LRRTM4: variants seen among roughly 807,000 people sequenced by gnomAD.
LRRTM4 encodes the protein leucine rich repeat transmembrane neuronal 4.
A neutral mutation model predicts 47.6 loss-of-function variants in LRRTM4; 25 were observed. The observed-to-expected ratio is 0.53, with a 90% confidence interval of 0.38 to 0.73. The LOEUF is 0.73. Ranked by LOEUF, LRRTM4 falls within the 30% of genes least tolerant of loss-of-function variation. LRRTM4 has a pLI of 0.00. For missense variants in LRRTM4, 638 were observed against 713.4 expected (o/e 0.89, Z 1.20); for synonymous variants, 311 against 269.5 (o/e 1.15, Z -1.51).
intron 3 of LRRTM4, among the ~76,000 whole-genome samples, chr2:77,314,741 G>T (rs920453426): frequency 2.6e-5 from 4 of 152,128 alleles, no homozygotes; most frequent in Non-Finnish European, 4.4e-5. Context: ...ACAATGGTTT[G>T]ATTTTTCTAC....
chr2:76,933,952 G>A (rs548013338), intron 3 of LRRTM4, among the ~76,000 whole-genome samples: 1 of 152,100 alleles, frequency 6.6e-6, no homozygotes, highest in East Asian at 1.9e-4. Flanking sequence ...AAATATATTG[G>A]TAATAGTCTG....
intron 3 of LRRTM4, among the ~76,000 whole-genome samples, chr2:77,438,560 C>A (rs1675704715): frequency 6.6e-6 from 1 of 151,832 alleles, no homozygotes; most frequent in Non-Finnish European, 1.5e-5. Context: ...GCGCCTGCCA[C>A]CACTCCAGGC....
At chr2:77,200,776 A>T (rs968194580) in intron 3 of LRRTM4, among the ~76,000 whole-genome samples, 1 of 152,154 alleles carries the variant, frequency 6.6e-6, no homozygotes, top group Non-Finnish European at 1.5e-5. Context: ...GTTCCCAGAA[A>T]AACTGACATA....
In LRRTM4 at chr2:76,879,937, T is replaced by G. The variant is rs183512131; in HGVS notation, c.1552-131021A>C. 2.5e-3 allele frequency among the ~76,000 whole-genome samples: 384 copies of G among 152,320 alleles called. 1 individual carries two copies. Among genetic ancestry groups the G allele is most frequent in the African/African-American group, 7.0e-3 (289 of 41,566 alleles). On this transcript the variant is annotated intron_variant, in intron 3 of 3. Coordinates refer to ENST00000409884, the MANE Select transcript of LRRTM4 (RefSeq NM_001134745.3). ...AATGTGGTGGAAACAGCGTAAGAAC[T>G]AGAGTTAAAAGTGGAACGTGAAAAT...
intron 3 of LRRTM4, among the ~76,000 whole-genome samples, chr2:76,872,513 T>C (rs553701307): frequency 3.9e-5 from 6 of 151,980 alleles, no homozygotes; most frequent in African/African-American, 1.2e-4. Context: ...CACAAAACCA[T>C]ACATGGGTTC....
chr2:77,512,152 C>G (rs1322069415), intron 3 of LRRTM4, among the ~76,000 whole-genome samples: 1 of 152,026 alleles, frequency 6.6e-6, no homozygotes, highest in East Asian at 1.9e-4. Flanking sequence ...TCCATGGTTA[C>G]GTTTGTTTAG....
chr2:77,098,300 A>C (rs1670864382), intron 3 of LRRTM4, among the ~76,000 whole-genome samples: 1 of 152,172 alleles, frequency 6.6e-6, no homozygotes, highest in East Asian at 1.9e-4. Flanking sequence ...TATTGACATA[A>C]ATATGGACAA....
intron 3 of LRRTM4, among the ~76,000 whole-genome samples, chr2:76,978,429 A>G (rs1232775515): frequency 6.6e-6 from 1 of 152,074 alleles, no homozygotes; most frequent in Non-Finnish European, 1.5e-5. Flanking sequence ...ATGTAACATG[A>G]AAATATATTT....
chr2:76,962,000 A>C lies in LRRTM4; in HGVS notation c.1552-213084T>G, dbSNP rs140696806. On this transcript the variant is annotated intron_variant, in intron 3 of 3. Transcript: ENST00000409884. ...CTGGTTTTCTGAGGGTTTCTTCCTC[A>C]ATATAGGTCATATACCTTGGAGATA... 4.6e-5 allele frequency among the ~76,000 whole-genome samples: 7 copies of C among 151,354 alleles called. No homozygotes were observed. In the East Asian group the frequency reaches 1.4e-3, roughly 30 times the overall value.
chr2:77,498,030 C>A (rs546713130), intron 3 of LRRTM4, among the ~76,000 whole-genome samples: 2 of 151,964 alleles, frequency 1.3e-5, no homozygotes, highest in South Asian at 2.1e-4. Flanking sequence ...GATCCAAGAA[C>A]TAAACATGGC....
In LRRTM4 at chr2:76,849,463, A is replaced by T. The variant is rs539910177; in HGVS notation, c.1552-100547T>A. ...TGTATTGTGGGGGGAAAATTATATA[A>T]AATATACTCCCTCAGAACAAATTGT... is the stretch of plus-strand genomic sequence containing the variant. On this transcript the variant is annotated intron_variant, in intron 3 of 3. Transcript: ENST00000409884. 3.3e-5 allele frequency among the ~76,000 whole-genome samples: 5 copies of T among 152,106 alleles called. No homozygotes were observed. In the South Asian group the frequency reaches 1.0e-3, roughly 32 times the overall value.
chr2:76,856,194 T>A (rs1453890959), intron 3 of LRRTM4, among the ~76,000 whole-genome samples: 5 of 152,016 alleles, frequency 3.3e-5, no homozygotes, highest in Non-Finnish European at 5.9e-5. Flanking sequence ...AGAGAATCCC[T>A]TGAACCCAGG....
intron 3 of LRRTM4, among the ~76,000 whole-genome samples, chr2:76,865,375 T>A (rs1489107531): frequency 6.6e-6 from 1 of 152,220 alleles, no homozygotes; most frequent in Admixed American, 6.5e-5. Flanking sequence ...TTGATACCAA[T>A]GACACCATTG....
At chr2:77,130,824 ATTTTTTTTTTTTTT>A (rs768577274) in intron 3 of LRRTM4, among the ~76,000 whole-genome samples, 2 of 35,634 alleles carry the variant, frequency 5.6e-5, no homozygotes, top group Admixed American at 4.6e-4. Flanking sequence ...TATTTGTTCT[ATTTTTTTTTTTTTT>A]TTTTTTTTTT....
chr2:77,090,460 T>C (rs539850137), intron 3 of LRRTM4, among the ~76,000 whole-genome samples: 3 of 152,290 alleles, frequency 2.0e-5, no homozygotes, highest in Non-Finnish European at 4.4e-5. Context: ...AATTAAATTC[T>C]GGCCCTCAAA....
chr2:76,815,248 T>C (rs1670866342), intron 3 of LRRTM4, among the ~76,000 whole-genome samples: 1 of 152,076 alleles, frequency 6.6e-6, no homozygotes, highest in African/African-American at 2.4e-5. Context: ...GTGAATTAGG[T>C]AGATGTTTCT....
At chr2:77,372,413 G>C (rs1672684437) in intron 3 of LRRTM4, among the ~76,000 whole-genome samples, 1 of 151,658 alleles carries the variant, frequency 6.6e-6, no homozygotes, top group Admixed American at 6.6e-5. Flanking sequence ...TGCTAGGTGG[G>C]AAGCACACTA....
intron 3 of LRRTM4, among the ~76,000 whole-genome samples, chr2:76,962,073 T>C (rs1250708159): frequency 6.6e-6 from 1 of 151,222 alleles, no homozygotes; most frequent in Non-Finnish European, 1.5e-5. Flanking sequence ...TAAGCCCTTA[T>C]AGAGTCTCTA....
chr2:76,971,102 G>T (rs1676201918), intron 3 of LRRTM4, among the ~76,000 whole-genome samples: 1 of 152,010 alleles, frequency 6.6e-6, no homozygotes, highest in Non-Finnish European at 1.5e-5. Context: ...TACTGGCTGT[G>T]CTAGGGCTGA....
Sources: gnomAD v4.1 joint callset for allele counts (sites outside exome capture counted in the v4.1 genomes callset) on GRCh38, gnomAD v4.1.1 for gene constraint, MANE v1.5 for transcripts, NCBI Gene and HGNC (gene_info 2026-07-23, HGNC 2026-07-21) for gene names.